The following ECE1 variants were observed in gnomAD, a reference collection of about 807,000 sequenced individuals.
ECE1 encodes the protein endothelin converting enzyme 1.
A neutral mutation model predicts 98.6 loss-of-function variants in ECE1; 35 were observed. The observed-to-expected ratio is 0.35, with a 90% CI of 0.27 to 0.47. The LOEUF is 0.47. ECE1 is among the 20% of genes least tolerant of loss of function. ECE1 has a pLI of 1.00. For synonymous variants in ECE1, 394 were observed against 407.1 expected (o/e 0.97, Z 0.39); for missense variants, 814 against 1,025.3 (o/e 0.79, Z 2.81).
chr1:21,300,547 A>G (rs1638461137), intron 1 of ECE1, among the ~76,000 whole-genome samples: 2 of 151,742 alleles, frequency 1.3e-5, no homozygotes, highest in Non-Finnish European at 2.9e-5. Context: ...CAATTCTCCT[A>G]CCTCAGCCTC....
intron 17 of ECE1, among the ~76,000 whole-genome samples, chr1:21,224,096 G>GTCT (rs1318665824): frequency 2.6e-5 from 4 of 152,134 alleles, no homozygotes; most frequent in South Asian, 2.1e-4. Context: ...CCAGGCTTGT[G>GTCT]TCTAGTTCGT....
intron 8 of ECE1, among the ~76,000 whole-genome samples, chr1:21,253,716 T>C (rs1370712103): frequency 6.8e-6 from 1 of 146,224 alleles, no homozygotes; most frequent in East Asian, 2.0e-4. Flanking sequence ...AGAGCCGAGA[T>C]GGCGCCACTG....
intron 2 of ECE1, among the ~76,000 whole-genome samples, chr1:21,284,070 G>C (rs1030931115): frequency 6.6e-6 from 1 of 152,212 alleles, no homozygotes; most frequent in Non-Finnish European, 1.5e-5. Flanking sequence ...GGGCTGGGCC[G>C]TGAGTCAGGG....
rs185421728 is a variant in ECE1 at position 21,220,627 on chromosome 1, T to C, written c.2137-496A>G. On this transcript the variant is annotated intron_variant, in intron 18 of 18. Transcript: ENST00000374893. This position sits in a 1 kb window ranked among gnomAD's most constrained non-coding sequence, Gnocchi z 5.0. ...GCCTGACAAACATGGTGAAACCCTG[T>C]CTCTACTAAAAATACAAAAATTAGA... Among the ~76,000 whole-genome samples the C allele has an allele frequency of 9.1e-4, 138 of 152,164 alleles. No homozygotes were observed. The East Asian group carries it at 0.021, about 23-fold the overall frequency.
intron 8 of ECE1, among the ~76,000 whole-genome samples, chr1:21,255,445 A>C (rs1573972829): frequency 6.6e-6 from 1 of 152,250 alleles, no homozygotes; most frequent in African/African-American, 2.4e-5. Flanking sequence ...AATGGGTGAC[A>C]GAGAGCATCA....
intron 3 of ECE1, among the ~76,000 whole-genome samples, chr1:21,276,341 GA>G (rs1048635793): frequency 4.6e-5 from 7 of 151,918 alleles, no homozygotes; most frequent in Non-Finnish European, 1.0e-4. Context: ...ACGTGTTTTT[GA>G]ATGAACAACC....
rs2098186414 is a variant in ECE1 at position 21,235,126 on chromosome 1, G to A, written c.1566+724C>T. On this transcript the variant is annotated intron_variant, in intron 13 of 18. Transcript: ENST00000374893. The surrounding 1 kb of genome is among the most constrained non-coding windows in gnomAD (Gnocchi z 4.2). ...GATAGCACCACTACACTCCAGTCTGGGCAACAGAATGAGACCCTGTCTCAA... is the reference window on the plus strand; with the variant it reads ...GATAGCACCACTACACTCCAGTCTGAGCAACAGAATGAGACCCTGTCTCAA... Among the ~76,000 whole-genome samples the A allele has an allele frequency of 1.3e-5, 2 of 152,174 alleles. No homozygotes were observed. Among genetic ancestry groups the A allele is most frequent in the African/African-American group, 4.8e-5 (2 of 41,518 alleles).
intron 10 of ECE1, among the ~76,000 whole-genome samples, chr1:21,241,715 G>A (rs981355090): frequency 1.3e-5 from 2 of 152,148 alleles, no homozygotes; most frequent in Non-Finnish European, 1.5e-5. Flanking sequence ...ATGAGCCACC[G>A]CACCCGGCCT....
intron 1 of ECE1, among the ~76,000 whole-genome samples, chr1:21,341,596 C>T (rs1436074408): frequency 6.6e-6 from 1 of 152,216 alleles, no homozygotes; most frequent in East Asian, 1.9e-4. Context: ...TGTATTTATT[C>T]TTTAACAAAA....
intron 8 of ECE1, among the ~76,000 whole-genome samples, chr1:21,250,760 C>A (rs1324301795): frequency 6.6e-6 from 1 of 152,166 alleles, no homozygotes; most frequent in Non-Finnish European, 1.5e-5. Context: ...GTAACCCCAG[C>A]ACTTTGGGAG....
intron 5 of ECE1, among the ~76,000 whole-genome samples, chr1:21,259,734 G>A (rs1216317021): frequency 1.3e-5 from 2 of 152,146 alleles, no homozygotes; most frequent in South Asian, 2.1e-4. Context: ...GTCTGCACCA[G>A]GAAGCCTCAG....
chr1:21,302,399 C>G (rs1412158582), intron 1 of ECE1, among the ~76,000 whole-genome samples: 1 of 152,244 alleles, frequency 6.6e-6, no homozygotes, highest in East Asian at 1.9e-4. Context: ...TGAGCCTCGA[C>G]TTTCTCATTG....
At chr1:21,227,036 T>A (rs77150457) in intron 16 of ECE1, 123 bp downstream of exon 16, 7 of 931,030 alleles carry the variant, frequency 7.5e-6, no homozygotes, top group Non-Finnish European at 1.2e-5. Flanking sequence ...ATTTTTTTTT[T>A]AGTAGAGATG....
chr1:21,345,396 C>A lies in ECE1; in HGVS notation c.-18G>T. 8 of 1,337,766 alleles carry A rather than the reference C, an allele frequency of 6.0e-6. No homozygotes were observed. Among genetic ancestry groups the A allele is most frequent in the South Asian group, 1.8e-5 (1 of 55,152 alleles). The allele number at this position is 1,337,766 out of a possible 1,614,324, so 82.9% of individuals were successfully genotyped here. On this transcript the variant is annotated 5_prime_UTR_variant, in exon 1 of 19. Transcript: ENST00000415912. This position sits in a 1 kb window ranked among gnomAD's most constrained non-coding sequence, Gnocchi z 5.1. ...CTCACCATAGCTCGCGTGCTCCGCC[C>A]CGGCTTCGCGCAGCTCCCCGCGCCC...
chr1:21,304,715 C>A (rs1243465579), intron 1 of ECE1, among the ~76,000 whole-genome samples: 1 of 152,164 alleles, frequency 6.6e-6, no homozygotes, highest in Non-Finnish European at 1.5e-5. Context: ...TGGAAATACC[C>A]TCTATCTTGA....
intron 1 of ECE1, among the ~76,000 whole-genome samples, chr1:21,314,607 G>C (rs529762768): frequency 6.6e-6 from 1 of 152,268 alleles, no homozygotes; most frequent in Non-Finnish European, 1.5e-5. Flanking sequence ...GGAAATCAAG[G>C]GTCAGACAGC....
intron 1 of ECE1, among the ~76,000 whole-genome samples, chr1:21,296,789 C>G (rs1638366234): frequency 6.6e-6 from 1 of 152,198 alleles, no homozygotes. Flanking sequence ...GGGCCTGGCT[C>G]TGTAGGCTAA....
intron 10 of ECE1, among the ~76,000 whole-genome samples, chr1:21,241,743 C>T (rs1419862628): frequency 6.6e-6 from 1 of 152,098 alleles, no homozygotes; most frequent in Non-Finnish European, 1.5e-5. Flanking sequence ...AATTTGAACT[C>T]AGAAAGTCCG....
rs2098225672 is a variant in ECE1 at position 21,260,725 on chromosome 1, C to T, written c.494-333G>A. Among the ~76,000 whole-genome samples the T allele has an allele frequency of 6.6e-6, 1 of 152,216 alleles. No individual in the cohort carries two copies. The highest frequency in any genetic ancestry group is 1.5e-5 in the Non-Finnish European group (1 of 68,048). ...GACAGTGTTCTTCCCCTGTGGATAACGTGTGGTACGAACACCCCTGCCTGG... is the reference window on the plus strand; with the variant it reads ...GACAGTGTTCTTCCCCTGTGGATAATGTGTGGTACGAACACCCCTGCCTGG... On this transcript the variant is annotated intron_variant, in intron 4 of 18. Coordinates refer to ENST00000374893, the MANE Select transcript of ECE1 (RefSeq NM_001397.3). This position sits in a 1 kb window ranked among gnomAD's most constrained non-coding sequence, Gnocchi z 4.3.
Sources: allele counts gnomAD v4.1 joint callset (sites outside exome capture counted in the v4.1 genomes callset), GRCh38; gene constraint gnomAD v4.1.1; non-coding constraint Gnocchi (gnomAD v3.1); transcripts MANE v1.5; gene names NCBI Gene and HGNC (gene_info 2026-07-23, HGNC 2026-07-21).